MAP3K5: variants seen among roughly 807,000 people sequenced by gnomAD.
MAP3K5 encodes ASK-1.
A neutral mutation model predicts 158.7 loss-of-function variants in MAP3K5; 56 were observed. That is an observed-to-expected ratio of 0.35 (90% CI 0.28 to 0.44). The LOEUF (loss-of-function observed/expected upper bound fraction) is 0.44, where lower values mean the gene tolerates loss of function less well. Ranked by LOEUF, MAP3K5 falls within the 20% of genes least tolerant of loss-of-function variation. The probability of loss-of-function intolerance (pLI) is 1.00; values close to 1 mark genes in which losing one functional copy is unlikely to be tolerated. For synonymous variants in MAP3K5, 579 were observed against 601.7 expected (o/e 0.96, Z 0.55); for missense variants, 1,294 against 1,674.8 (o/e 0.77, Z 3.97).
At chr6:136,695,736 T>C (rs1423334022) in intron 6 of MAP3K5, among the ~76,000 whole-genome samples, 1 of 152,204 alleles carries the variant, frequency 6.6e-6, no homozygotes, top group African/African-American at 2.4e-5. Flanking sequence ...AATTTAAATA[T>C]ACCAACAGTG....
At chr6:136,575,852 C>T (rs1774593295) in intron 25 of MAP3K5, among the ~76,000 whole-genome samples, 1 of 152,206 alleles carries the variant, frequency 6.6e-6, no homozygotes, top group Non-Finnish European at 1.5e-5. Flanking sequence ...CTGCCACATT[C>T]CTTCACTGTA....
At chr6:136,777,459 G>A (rs1562698293) in intron 1 of MAP3K5, among the ~76,000 whole-genome samples, 1 of 152,108 alleles carries the variant, frequency 6.6e-6, no homozygotes, top group South Asian at 2.1e-4. Context: ...AAATCCTACT[G>A]TCCATATTTG....
chr6:136,705,177 T>G, intron 2 of MAP3K5, 44 bp from the exon 3 acceptor site: 1 of 899,212 alleles, frequency 1.1e-6, no homozygotes, highest in East Asian at 2.8e-5. Context: ...AATACAAAAC[T>G]GAATAATTCA....
chr6:136,614,221 T>C lies in MAP3K5; in HGVS notation c.2216A>G (p.Gln739Arg), dbSNP rs1455555915. ...HKHLKHKNIV[Q>R]YLGSFSENGF... ...ATTCTCACTGAAAGAGCCCAGATAC[T>C]GGACAATATTTTTGTGCTTCAGGTG... The change falls in exon 16 of 30, where the codon CAG (glutamine) becomes CGG (arginine). Residue 739 changes from glutamine (Q) to arginine (R), a missense_variant. Coordinates refer to ENST00000359015, the MANE Select transcript of MAP3K5 (RefSeq NM_005923.4). The C allele has an allele frequency of 6.8e-6, 11 of 1,613,896 alleles. No individual in the cohort carries two copies. The highest frequency in any genetic ancestry group is 9.3e-6 in the Non-Finnish European group (11 of 1,179,828).
intron 25 of MAP3K5, among the ~76,000 whole-genome samples, chr6:136,577,111 T>A (rs755522574): frequency 1.3e-5 from 2 of 152,170 alleles, no homozygotes; most frequent in Non-Finnish European, 2.9e-5. Flanking sequence ...TTTTTAAAAT[T>A]TGTGGTCTTC....
intron 3 of MAP3K5, among the ~76,000 whole-genome samples, chr6:136,699,888 G>C (rs111448223): frequency 0.019 from 2,913 of 152,278 alleles, 95 homozygotes; most frequent in African/African-American, 0.067. Flanking sequence ...GAAGCCAGGA[G>C]TTCAAGATCA....
At chr6:136,565,046 A>T (rs1281036857) in intron 26 of MAP3K5, among the ~76,000 whole-genome samples, 1 of 152,216 alleles carries the variant, frequency 6.6e-6, no homozygotes, top group Non-Finnish European at 1.5e-5. Context: ...CACCTGATTC[A>T]CAAACTATTT....
intron 7 of MAP3K5, among the ~76,000 whole-genome samples, chr6:136,678,156 T>A (rs964527083): frequency 1.3e-5 from 2 of 152,226 alleles, no homozygotes; most frequent in African/African-American, 2.4e-5. Flanking sequence ...GGGTTTTTTT[T>A]ATTTTTGTTT....
chr6:136,786,109 C>T (rs541272432), intron 1 of MAP3K5, among the ~76,000 whole-genome samples: 56 of 152,274 alleles, frequency 3.7e-4, no homozygotes, highest in African/African-American at 1.3e-3. Flanking sequence ...CGCGGTGGCT[C>T]ACGCCTGTAA....
At chr6:136,575,055 G>A (rs996523919) in intron 25 of MAP3K5, among the ~76,000 whole-genome samples, 1 of 151,992 alleles carries the variant, frequency 6.6e-6, no homozygotes, top group Non-Finnish European at 1.5e-5. Flanking sequence ...TGCAAAAATA[G>A]TGCAGAGAGT....
At chr6:136,598,815 G>A (rs906897793) in intron 21 of MAP3K5, among the ~76,000 whole-genome samples, 1 of 152,124 alleles carries the variant, frequency 6.6e-6, no homozygotes, top group Non-Finnish European at 1.5e-5. Flanking sequence ...AGAGTAAGAC[G>A]AGCTAATAGG....
intron 1 of MAP3K5, among the ~76,000 whole-genome samples, chr6:136,721,502 A>T (rs1334574106): frequency 2.6e-5 from 4 of 152,220 alleles, no homozygotes; most frequent in African/African-American, 9.6e-5. Context: ...AAAATTTGAC[A>T]ATGTCACAAA....
chr6:136,596,690 C>T (rs755129444), intron 21 of MAP3K5, among the ~76,000 whole-genome samples: 59 of 152,222 alleles, frequency 3.9e-4, no homozygotes, highest in Middle Eastern at 3.4e-3. Flanking sequence ...GATGTTTTCT[C>T]TATTGTAAGG....
intron 3 of MAP3K5, among the ~76,000 whole-genome samples, chr6:136,702,344 C>G (rs1400386974): frequency 6.6e-6 from 1 of 152,148 alleles, no homozygotes; most frequent in Non-Finnish European, 1.5e-5. Context: ...CAGAAAAGCA[C>G]TTTTGCAAAA....
At chr6:136,624,798 C>A (rs745820937) in intron 14 of MAP3K5, among the ~76,000 whole-genome samples, 3 of 151,806 alleles carry the variant, frequency 2.0e-5, no homozygotes, top group African/African-American at 4.8e-5. Flanking sequence ...TTAAAAAAAT[C>A]CATTAGAAAA....
intron 1 of MAP3K5, among the ~76,000 whole-genome samples, chr6:136,768,494 G>A (rs181271706): frequency 1.3e-5 from 2 of 152,232 alleles, no homozygotes; most frequent in Admixed American, 6.5e-5. Flanking sequence ...CCACAGTAAG[G>A]TACCACTTCA....
chr6:136,588,492 T>TATATAA (rs1367250308), intron 23 of MAP3K5, among the ~76,000 whole-genome samples: 1 of 152,234 alleles, frequency 6.6e-6, no homozygotes, highest in African/African-American at 2.4e-5. Context: ...GTTATTACTA[T>TATATAA]ATGTTTTATA....
intron 1 of MAP3K5, among the ~76,000 whole-genome samples, chr6:136,785,473 G>A (rs562353779): frequency 3.3e-5 from 5 of 152,304 alleles, no homozygotes; most frequent in East Asian, 3.9e-4. Flanking sequence ...AGGCCCGGGC[G>A]GATGTGAAGG....
chr6:136,607,671 C>T (rs919257033), intron 18 of MAP3K5, among the ~76,000 whole-genome samples: 3 of 152,002 alleles, frequency 2.0e-5, no homozygotes, highest in African/African-American at 7.3e-5. Flanking sequence ...CTGCAACTAC[C>T]CAGGGAGGTG....
Sources: allele counts gnomAD v4.1 joint callset (sites outside exome capture counted in the v4.1 genomes callset), GRCh38; gene constraint gnomAD v4.1.1; transcripts MANE v1.5; gene names NCBI Gene and HGNC (gene_info 2026-07-23, HGNC 2026-07-21).